TGM4: variants seen among roughly 807,000 people sequenced by gnomAD.
TGM4 encodes the protein transglutaminase 4.
Under a neutral mutation model 76.3 loss-of-function variants are expected in TGM4, and 61 were observed. That is an observed-to-expected ratio of 0.80 (90% CI 0.65 to 0.99). TGM4 has a LOEUF of 0.99. Among genes scored for constraint, TGM4 ranks in the 50% least tolerant of loss-of-function variants. TGM4 has a pLI of 0.00. For synonymous variants in TGM4, 337 were observed against 329.8 expected, an observed-to-expected ratio of 1.02 and a Z score of -0.24; for missense variants, 794 against 843.2, an observed-to-expected ratio of 0.94 and a Z score of 0.72.
intron 6 of TGM4, among the ~76,000 whole-genome samples, 190 bp from the exon 7 acceptor site, chr3:44,901,334 C>T (rs528337976): frequency 3.9e-5 from 6 of 152,316 alleles, no homozygotes; most frequent in South Asian, 2.1e-4. Context: ...GCATCCTCCC[C>T]GGTCACTCAA....
Position 44,893,570 on chromosome 3 carries a change from G to A in TGM4, c.431-7G>A, listed in dbSNP as rs753365428. ...ATAACCTCTGTGGATGTGTGGTCTT[G>A]CTTCAGAGGACATGGTTTTCATGCC... On this transcript the variant is annotated splice_region_variant and splice_polypyrimidine_tract_variant and intron_variant, in intron 4 of 13. Transcript: ENST00000296125. 1 of 1,611,926 alleles carries A rather than the reference G, an allele frequency of 6.2e-7. No individual in the cohort carries two copies. The highest frequency in any genetic ancestry group is 2.2e-5 in the East Asian group (1 of 44,866).
chr3:44,886,422 T>A (rs1482046375), intron 2 of TGM4, among the ~76,000 whole-genome samples: 2 of 152,174 alleles, frequency 1.3e-5, no homozygotes, highest in African/African-American at 4.8e-5. Flanking sequence ...TTTTGCTCCT[T>A]CTCTGAGTGA....
rs79945336 is a variant in TGM4 at position 44,887,622 on chromosome 3, G to A, written c.194-67G>A. 8,432 of 1,493,362 alleles carry A rather than the reference G, an allele frequency of 5.6e-3. 346 individuals are homozygous for A. The Admixed American group carries it at 0.077, about 14-fold the overall frequency. 92.5% of individuals were successfully genotyped at this position (1,493,362 alleles called of 1,614,324 possible). A position where few individuals can be genotyped will look rare whatever the true frequency, so the allele number is the denominator to read the frequency against. The stretch of plus-strand genomic sequence containing the variant: ...CCATGAGTGGGCAGTAGGTGGGCCC[G>A]AACCAGAGGAGATTGTCTTGGGGGT... On this transcript the variant is annotated intron_variant, in intron 2 of 13. Transcript: ENST00000296125.
Position 44,909,386 on chromosome 3 carries a change from A to C in TGM4, c.1328-704A>C, listed in dbSNP as rs910750429. 5.9e-5 allele frequency among the ~76,000 whole-genome samples: 9 copies of C among 151,766 alleles called. No homozygotes were observed. The East Asian group carries it at 1.7e-3, about 29-fold the overall frequency. ...TTTTGGTCGGCTTCTTTTCCCCTCA[A>C]CTCCCTTCTTTTCCTTATTGCCTTA... On this transcript the variant is annotated intron_variant, in intron 10 of 13. Transcript: ENST00000296125.
intron 1 of TGM4, among the ~76,000 whole-genome samples, chr3:44,875,687 C>G (rs1189183242): frequency 6.6e-6 from 1 of 152,244 alleles, no homozygotes; most frequent in Non-Finnish European, 1.5e-5. Flanking sequence ...AGCCTTCTCT[C>G]TTGCTTGAGA....
At chr3:44,911,515 T>G in intron 13 of TGM4, 109 bp downstream of exon 13, 1 of 1,316,162 alleles carries the variant, frequency 7.6e-7, no homozygotes, top group East Asian at 2.4e-5. Flanking sequence ...AGGGTCAAAA[T>G]GTAGATACAT....
At chr3:44,892,827 A>G (rs967436810) in intron 4 of TGM4, among the ~76,000 whole-genome samples, 5 of 152,186 alleles carry the variant, frequency 3.3e-5, no homozygotes, top group African/African-American at 1.2e-4. Context: ...TTTGAGGACT[A>G]GAAGTCCCCT....
chr3:44,878,323 G>T (rs949305893), intron 1 of TGM4, among the ~76,000 whole-genome samples: 1 of 151,802 alleles, frequency 6.6e-6, no homozygotes, highest in Non-Finnish European at 1.5e-5. Context: ...CTAAAGTAAT[G>T]GTTTATGGCA....
chr3:44,903,671 G>GCA (rs1699883771), intron 8 of TGM4: 1 of 575,268 alleles, frequency 1.7e-6, no homozygotes, highest in Non-Finnish European at 3.1e-6. Context: ...CCTGCCCCCT[G>GCA]CACACAACTC....
intron 1 of TGM4, among the ~76,000 whole-genome samples, chr3:44,881,906 G>A (rs1699538149): frequency 6.6e-6 from 1 of 151,954 alleles, no homozygotes; most frequent in Admixed American, 6.6e-5. Flanking sequence ...ACACATTGGT[G>A]GCAAGAAACA....
At chr3:44,876,657 A>T (rs575985650) in intron 1 of TGM4, among the ~76,000 whole-genome samples, 1 of 152,378 alleles carries the variant, frequency 6.6e-6, no homozygotes, top group African/African-American at 2.4e-5. Flanking sequence ...AAATGAAGGC[A>T]ATATGAAAAA....
chr3:44,896,143 C>T (rs1406175977), intron 5 of TGM4, among the ~76,000 whole-genome samples: 2 of 151,664 alleles, frequency 1.3e-5, no homozygotes, highest in Non-Finnish European at 2.9e-5. Context: ...CAGAGTTTTG[C>T]TCTTGTTGCC....
intron 10 of TGM4, 42 bp downstream of exon 10, chr3:44,907,242 C>A: frequency 6.3e-7 from 1 of 1,591,660 alleles, no homozygotes; most frequent in South Asian, 1.1e-5. Context: ...GCCCCTGAGT[C>A]ACCCAGAACA....
At chr3:44,880,717 T>C (rs984829547) in intron 1 of TGM4, among the ~76,000 whole-genome samples, 1 of 152,240 alleles carries the variant, frequency 6.6e-6, no homozygotes, top group Non-Finnish European at 1.5e-5. Flanking sequence ...GTTTTTTCTC[T>C]GTGTATCTCA....
At chr3:44,886,318 C>T (rs1189484319) in intron 2 of TGM4, among the ~76,000 whole-genome samples, 5 of 151,970 alleles carry the variant, frequency 3.3e-5, no homozygotes, top group African/African-American at 4.8e-5. Context: ...TTCATCCTGG[C>T]GACAAGAGTG....
At chr3:44,901,378 C>T (rs1699850075) in intron 6 of TGM4, 146 bp from the exon 7 acceptor site, 4 of 963,004 alleles carry the variant, frequency 4.2e-6, no homozygotes, top group African/African-American at 1.7e-5. Flanking sequence ...TTCTGGGCAC[C>T]CCACCTGTTC....
intron 9 of TGM4, among the ~76,000 whole-genome samples, chr3:44,905,762 C>A (rs1171217027): frequency 2.0e-5 from 3 of 152,208 alleles, no homozygotes; most frequent in African/African-American, 7.2e-5. Flanking sequence ...TAAGGCATTG[C>A]CCTTATAATA....
At chr3:44,893,448 C>A (rs914285208) in intron 4 of TGM4, 129 bp from the exon 5 acceptor site, 2 of 788,974 alleles carry the variant, frequency 2.5e-6, no homozygotes, top group Non-Finnish European at 4.3e-6. Flanking sequence ...CCTCCCTCCC[C>A]CAACATTGGG....
At position 44,908,392 on chromosome 3, in the gene TGM4, TTTTTTTG is replaced by T. The variant is rs1407467716; in HGVS notation, c.1327+1213_1327+1219del. On this transcript the variant is annotated intron_variant, in intron 10 of 13. Transcript: ENST00000296125. ...CAGGAGTGTTTTTTTTTGTTTTTGT[TTTTTTTG>T]TTTTTTGTTTTTTGTTTTTTTTGCA... Among the ~76,000 whole-genome samples, 97 of 151,664 alleles carry T rather than the reference TTTTTTTG, an allele frequency of 6.4e-4. 1 individual carries two copies. The highest frequency in any genetic ancestry group is 1.2e-3 in the African/African-American group (50 of 41,026).
Sources: gnomAD v4.1 joint callset for allele counts (sites outside exome capture counted in the v4.1 genomes callset) on GRCh38, gnomAD v4.1.1 for gene constraint, MANE v1.5 for transcripts, NCBI Gene and HGNC (gene_info 2026-07-23, HGNC 2026-07-21) for gene names.